The following SCFD2 variants were observed in gnomAD, a reference collection of about 807,000 sequenced individuals.
SCFD2 encodes the protein sec1 family domain containing 2, also known as sec1 family domain-containing protein 2.
Under a neutral mutation model 58.9 loss-of-function variants are expected in SCFD2, and 54 were observed. The ratio of observed to expected loss-of-function variants is 0.92; its 90% CI spans 0.74 to 1.15. The LOEUF (loss-of-function observed/expected upper bound fraction) is 1.15. Among genes scored for constraint, SCFD2 ranks in the 50% most tolerant of loss-of-function variants. The pLI is 0.00. For synonymous variants in SCFD2, 321 were observed against 335.9 expected (o/e 0.96, Z 0.49); for missense variants, 805 against 836.6 (o/e 0.96, Z 0.47).
chr4:53,045,281 A>G (rs1723013125), intron 5 of SCFD2, among the ~76,000 whole-genome samples: 1 of 152,066 alleles, frequency 6.6e-6, no homozygotes, highest in Non-Finnish European at 1.5e-5. Context: ...TATAGTGTGG[A>G]TTTTTAGTTA....
intron 4 of SCFD2, among the ~76,000 whole-genome samples, chr4:53,253,839 T>C (rs62324285): frequency 0.066 from 9,850 of 149,084 alleles, 359 homozygotes; most frequent in Middle Eastern, 0.12. Context: ...TGTATACATA[T>C]GTAACTAACC....
At chr4:53,248,685 T>A (rs1730218512) in intron 4 of SCFD2, among the ~76,000 whole-genome samples, 1 of 151,946 alleles carries the variant, frequency 6.6e-6, no homozygotes, top group Non-Finnish European at 1.5e-5. Context: ...CACAGCCGGG[T>A]ACTCCTCAGG....
At chr4:53,012,506 C>T (rs1477921860) in intron 5 of SCFD2, among the ~76,000 whole-genome samples, 2 of 152,066 alleles carry the variant, frequency 1.3e-5, no homozygotes, top group Non-Finnish European at 2.9e-5. Context: ...GCTATTTGGT[C>T]CGAGGGGCCA....
Position 53,153,679 on chromosome 4 carries a change from C to T in SCFD2, c.1312-8097G>A, listed in dbSNP as rs1726579097. On this transcript the variant is annotated intron_variant, in intron 4 of 8. Coordinates refer to ENST00000401642, the MANE Select transcript of SCFD2 (RefSeq NM_152540.4). ...TGTTGCTCCACAGTCTGCTTGTATT[C>T]CTCTCCTGAAAATGCTCTTTCCATC... Among the ~76,000 whole-genome samples the T allele has an allele frequency of 2.0e-5, 3 of 152,162 alleles. No individual in the cohort carries two copies. The South Asian group carries it at 6.2e-4, about 31-fold the overall frequency.
intron 4 of SCFD2, among the ~76,000 whole-genome samples, chr4:53,232,833 A>G (rs1729480056): frequency 1.3e-5 from 2 of 152,196 alleles, no homozygotes; most frequent in East Asian, 1.9e-4. Flanking sequence ...ACTCTTCTAC[A>G]TCTTCCACCT....
chr4:53,092,902 G>A (rs1263669464), intron 5 of SCFD2, among the ~76,000 whole-genome samples: 1 of 152,018 alleles, frequency 6.6e-6, no homozygotes, highest in Non-Finnish European at 1.5e-5. Flanking sequence ...GCCCAAATGG[G>A]GAAGGAGATT....
chr4:53,251,001 AG>A (rs1173447892), intron 4 of SCFD2, among the ~76,000 whole-genome samples: 2 of 152,156 alleles, frequency 1.3e-5, no homozygotes, highest in African/African-American at 4.8e-5. Context: ...CTAATAAAGA[AG>A]AAAAGAGAGA....
At chr4:52,924,190 G>A (rs192475819) in intron 5 of SCFD2, among the ~76,000 whole-genome samples, 11 of 152,192 alleles carry the variant, frequency 7.2e-5, no homozygotes. Flanking sequence ...TGAGAAGTAT[G>A]ATATTCATTC....
intron 4 of SCFD2, among the ~76,000 whole-genome samples, chr4:53,236,672 C>A (rs902573387): frequency 6.7e-6 from 1 of 149,284 alleles, no homozygotes; most frequent in Non-Finnish European, 1.5e-5. Flanking sequence ...AAAATGAGTT[C>A]TATGCAAAAC....
chr4:53,342,738 C>A (rs1239920103), intron 2 of SCFD2, among the ~76,000 whole-genome samples: 1 of 152,080 alleles, frequency 6.6e-6, no homozygotes, highest in African/African-American at 2.4e-5. Flanking sequence ...TGTAAAAGAA[C>A]AGAAATTATA....
intron 4 of SCFD2, among the ~76,000 whole-genome samples, chr4:53,249,933 C>A (rs973722769): frequency 6.6e-6 from 1 of 152,176 alleles, no homozygotes; most frequent in African/African-American, 2.4e-5. Context: ...ATGACAGGAT[C>A]AAATTCACAC....
chr4:53,350,513 C>G (rs1734184068), intron 2 of SCFD2, among the ~76,000 whole-genome samples: 1 of 152,110 alleles, frequency 6.6e-6, no homozygotes, highest in Non-Finnish European at 1.5e-5. Context: ...CTTTAAAAAC[C>G]CTTTATTGCT....
chr4:53,149,067 A>G (rs1726427964), intron 4 of SCFD2, among the ~76,000 whole-genome samples: 1 of 152,226 alleles, frequency 6.6e-6, no homozygotes, highest in African/African-American at 2.4e-5. Flanking sequence ...ATCCAGAAAT[A>G]ACTGTAGACA....
At chr4:53,300,151 G>A (rs374149952) in intron 3 of SCFD2, among the ~76,000 whole-genome samples, 1 of 152,098 alleles carries the variant, frequency 6.6e-6, no homozygotes, top group Admixed American at 6.5e-5. Flanking sequence ...GACACAGACT[G>A]GCAAATTGGA....
intron 5 of SCFD2, among the ~76,000 whole-genome samples, chr4:53,016,012 C>T (rs780446257): frequency 2.2e-4 from 34 of 152,278 alleles, no homozygotes; most frequent in Middle Eastern, 3.4e-3. Context: ...AAGAATTAAA[C>T]GAAGGCAGAA....
At chr4:53,034,986 T>C (rs1722718487) in intron 5 of SCFD2, among the ~76,000 whole-genome samples, 1 of 152,150 alleles carries the variant, frequency 6.6e-6, no homozygotes, top group South Asian at 2.1e-4. Context: ...TTAAACTTCA[T>C]ATGGAACCAA....
At chr4:53,293,795 A>G (rs1281576404) in intron 3 of SCFD2, among the ~76,000 whole-genome samples, 1 of 152,110 alleles carries the variant, frequency 6.6e-6, no homozygotes, top group Non-Finnish European at 1.5e-5. Context: ...GGTTTGTTAC[A>G]TAGGTATACA....
intron 4 of SCFD2, among the ~76,000 whole-genome samples, chr4:53,153,409 T>C (rs1483442466): frequency 2.0e-5 from 3 of 152,220 alleles, no homozygotes; most frequent in Non-Finnish European, 2.9e-5. Flanking sequence ...TAAAGTAGTA[T>C]CTGGGGCCCT....
At chr4:53,216,773 T>C (rs1209310059) in intron 4 of SCFD2, among the ~76,000 whole-genome samples, 2 of 152,218 alleles carry the variant, frequency 1.3e-5, no homozygotes, top group African/African-American at 4.8e-5. Context: ...TGCTTTCTCT[T>C]GTGGGCATCT....
Sources: gnomAD v4.1 joint callset for allele counts (sites outside exome capture counted in the v4.1 genomes callset) on GRCh38, gnomAD v4.1.1 for gene constraint, MANE v1.5 for transcripts, NCBI Gene and HGNC (gene_info 2026-07-23, HGNC 2026-07-21) for gene names.